The following GRK4 variants were observed in gnomAD, a reference collection of about 807,000 sequenced individuals.
GRK4 encodes G protein-coupled receptor kinase 4, also known as G protein-coupled receptor kinase 2-like.
GRK4 carries 73 observed loss-of-function variants against 77.9 expected under a neutral mutation model. The ratio of observed to expected loss-of-function variants is 0.94; its 90% CI spans 0.78 to 1.14. The LOEUF is 1.14. Among genes scored for constraint, GRK4 ranks in the 50% most tolerant of loss-of-function variants. The pLI, the probability that GRK4 is intolerant of heterozygous loss-of-function variation, is 0.00. For synonymous variants in GRK4, 257 were observed against 254.4 expected (o/e 1.01, Z -0.10); for missense variants, 729 against 700.2 (o/e 1.04, Z -0.46).
intron 3 of GRK4, among the ~76,000 whole-genome samples, chr4:2,989,591 G>C (rs1725504108): frequency 6.6e-6 from 1 of 152,122 alleles, no homozygotes; most frequent in Non-Finnish European, 1.5e-5. Context: ...ATAAGCCACT[G>C]TGCCCGGCTC....
rs1330147685 is a variant in GRK4, at chr4:2,985,591, A to G, written c.148+983A>G. Among the ~76,000 whole-genome samples, 19 of 152,174 alleles carry G rather than the reference A, an allele frequency of 1.2e-4. No homozygotes were observed. The East Asian group carries it at 3.7e-3, about 29-fold the overall frequency. On this transcript the variant is annotated intron_variant, in intron 2 of 15. Transcript: ENST00000398052. ...AGAAAAAAGAAAAGAAAAATTTCTA[A>G]TGATCTTCAGGAAAGGATTAGTCAG... is the stretch of plus-strand genomic sequence containing the variant.
chr4:2,985,204 AGAT>A (rs915708073), intron 2 of GRK4, among the ~76,000 whole-genome samples: 5 of 151,648 alleles, frequency 3.3e-5, no homozygotes, highest in Non-Finnish European at 7.4e-5. Flanking sequence ...CGAGGTCAGG[AGAT>A]CGAGACCACG....
chr4:3,025,610 T>C (rs1578338478), intron 10 of GRK4, among the ~76,000 whole-genome samples: 1 of 151,982 alleles, frequency 6.6e-6, no homozygotes, highest in East Asian at 2.0e-4. Flanking sequence ...GCCAGGATGG[T>C]CTCGATCTCC....
At chr4:2,965,220 T>C (rs1484995080) in intron 1 of GRK4, 2 of 697,560 alleles carry the variant, frequency 2.9e-6, no homozygotes, top group Non-Finnish European at 5.3e-6. Flanking sequence ...TCCTCCTGTT[T>C]TCACCCATGC....
intron 4 of GRK4, among the ~76,000 whole-genome samples, chr4:3,002,831 C>T (rs1730233021): frequency 6.6e-6 from 1 of 152,082 alleles, no homozygotes; most frequent in Non-Finnish European, 1.5e-5. Flanking sequence ...TCCAAAAAAA[C>T]CACAAAACTG....
At chr4:2,966,204 G>A (rs1268655586) in intron 1 of GRK4, 2 of 152,414 alleles carry the variant, frequency 1.3e-5, no homozygotes, top group East Asian at 3.9e-4. Context: ...ACAAGGTCAG[G>A]AGATTGAGAC....
In GRK4 at chr4:3,027,949, G is replaced by C. The variant is rs747603439; in HGVS notation, c.1008G>C (p.Glu336Asp). The C allele has an allele frequency of 6.2e-7, 1 of 1,614,144 alleles. No individual in the cohort carries two copies. Among genetic ancestry groups the C allele is most frequent in the East Asian group, 2.2e-5 (1 of 44,886 alleles). Residue 336 changes from glutamate to aspartate, a missense_variant, in exon 11 of 16, where the codon GAG becomes GAC. By Grantham distance (45) the Glu-to-Asp change is conservative. Coordinates refer to ENST00000398052, the MANE Select transcript of GRK4 (RefSeq NM_182982.3). ...IRISDLGLAT[E>D]IPEGQRVRGR... ...TTTCAGACCTCGGTTTGGCCACAGA[G>C]ATCCCAGAAGGACAGAGGGTTCGAG...
At chr4:3,004,853 G>A (rs1016631161) in intron 5 of GRK4, among the ~76,000 whole-genome samples, 5 of 152,008 alleles carry the variant, frequency 3.3e-5, no homozygotes, top group Non-Finnish European at 5.9e-5. Flanking sequence ...GGCTCCTGGC[G>A]TCTCAACCCG....
Position 2,988,266 on chromosome 4 carries a change from G to A in GRK4, c.149-461G>A, listed in dbSNP as rs368540995. On this transcript the variant is annotated intron_variant, in intron 2 of 15. Transcript: ENST00000398052. ...ATTTTTCATTGAATCTAATCCTAGT[G>A]GGTATGAAGTATCTTACTGTGTTTT... Among the ~76,000 whole-genome samples the A allele has an allele frequency of 1.1e-4, 17 of 151,892 alleles. No individual in the cohort carries two copies. In the East Asian group the frequency reaches 2.9e-3, roughly 26 times the overall value.
intron 10 of GRK4, among the ~76,000 whole-genome samples, chr4:3,022,872 A>G (rs1336020259): frequency 6.6e-6 from 1 of 151,788 alleles, no homozygotes; most frequent in Non-Finnish European, 1.5e-5. Flanking sequence ...TTTTTTTTGT[A>G]GAGATAGGGG....
rs767184705 is a variant in GRK4 at position 3,038,461 on chromosome 4, C to G, written c.1631C>G (p.Thr544Ser). 6.2e-7 allele frequency: 1 copy of G among 1,614,096 alleles called. No homozygotes were observed. Among genetic ancestry groups the G allele is most frequent in the South Asian group, 1.1e-5 (1 of 91,080 alleles). Residue 544 changes from threonine (T) to serine (S), a missense_variant, in exon 15 of 16, where the codon ACC becomes AGC. Coordinates refer to ENST00000398052, the MANE Select transcript of GRK4 (RefSeq NM_182982.3). ...LPLDLDKNIH[T>S]PVSRPNRGFF... ...TTAGATCTAGACAAGAACATACATA[C>G]CCCGGTTTCCAGACCAAACAGAGGC...
At chr4:3,028,256 G>A (rs1560491432) in intron 11 of GRK4, among the ~76,000 whole-genome samples, 1 of 152,192 alleles carries the variant, frequency 6.6e-6, no homozygotes, top group Admixed American at 6.5e-5. Flanking sequence ...CGAAGTGAGG[G>A]CAGAATCGGG....
chr4:2,988,596 A>G, intron 2 of GRK4, 131 bp from the exon 3 acceptor site: 1 of 567,934 alleles, frequency 1.8e-6, no homozygotes, highest in Middle Eastern at 2.9e-4. Context: ...AACAACAACA[A>G]GATGAAAATA....
At chr4:2,983,355 T>A (rs1037919978) in intron 1 of GRK4, among the ~76,000 whole-genome samples, 2 of 152,226 alleles carry the variant, frequency 1.3e-5, no homozygotes, top group Non-Finnish European at 2.9e-5. Flanking sequence ...TATGTTCTCC[T>A]GGATAAAATT....
chr4:3,032,436 G>C (rs1578391004), intron 12 of GRK4, among the ~76,000 whole-genome samples: 1 of 152,136 alleles, frequency 6.6e-6, no homozygotes, highest in East Asian at 1.9e-4. Context: ...AAAGAAAAAA[G>C]AAAAGAAAAA....
intron 12 of GRK4, among the ~76,000 whole-genome samples, chr4:3,034,682 A>C (rs1288535903): frequency 6.6e-6 from 1 of 152,244 alleles, no homozygotes; most frequent in East Asian, 1.9e-4. Context: ...ATATACTAGA[A>C]TACCAAAATA....
intron 1 of GRK4, chr4:2,966,139 C>G (rs1405622840): frequency 6.5e-6 from 1 of 152,920 alleles, no homozygotes; most frequent in Non-Finnish European, 1.5e-5. Context: ...TTTGGCCGGG[C>G]ACGGTGGCTC....
At chr4:2,988,101 A>G (rs1198734977) in intron 2 of GRK4, among the ~76,000 whole-genome samples, 1 of 147,730 alleles carries the variant, frequency 6.8e-6, no homozygotes, top group Non-Finnish European at 1.5e-5. Flanking sequence ...AAAAAAAAAG[A>G]AGTAGAATCA....
intron 3 of GRK4, among the ~76,000 whole-genome samples, chr4:2,991,596 C>T (rs764545534): frequency 1.3e-5 from 2 of 152,148 alleles, no homozygotes; most frequent in African/African-American, 2.4e-5. Context: ...CTGCAACCTC[C>T]GCCTCCTGGG....
Sources: allele counts gnomAD v4.1 joint callset (sites outside exome capture counted in the v4.1 genomes callset), GRCh38; gene constraint gnomAD v4.1.1; transcripts MANE v1.5; gene names NCBI Gene and HGNC (gene_info 2026-07-23, HGNC 2026-07-21).